Variants in TLR4 observed in about 807,000 individuals in gnomAD.
TLR4 encodes the protein toll like receptor 4.
In TLR4, 17 loss-of-function variants were observed where a neutral mutation model predicts 27.4. The observed-to-expected ratio is 0.62, with a 90% CI of 0.42 to 0.93. TLR4 has a LOEUF of 0.93. Among genes scored for constraint, TLR4 ranks in the 40% least tolerant of loss-of-function variants. The pLI is 0.00. For missense variants in TLR4, 926 were observed against 962.3 expected (o/e 0.96, Z 0.50); for synonymous variants, 363 against 365.7 (o/e 0.99, Z 0.08).
In TLR4 at chr9:117,713,018, T is replaced by G; in HGVS notation, c.890T>G (p.Leu297Arg). ...EFRLAYLDYY[L>R]DDIIDLFNCL... The stretch of plus-strand genomic sequence containing the variant: ...CGATTAGCATACTTAGACTACTACC[T>G]CGATGATATTATTGACTTATTTAAT... Residue 297 changes from leucine (L) to arginine (R), a missense_variant, in exon 3 of 3, where the codon CTC (leucine) becomes CGC (arginine). Coordinates refer to ENST00000355622, the MANE Select transcript of TLR4 (RefSeq NM_138554.5). 6.2e-7 allele frequency: 1 copy of G among 1,614,074 alleles called. No individual in the cohort carries two copies. Among genetic ancestry groups the G allele is most frequent in the African/African-American group, 1.3e-5 (1 of 75,050 alleles).
At position 117,718,693 on chromosome 9, in the gene TLR4, G is replaced by T. The variant is rs1052459896; in HGVS notation, c.*4045G>T. The T allele has an allele frequency of 1.3e-5, 2 of 152,098 alleles. No homozygotes were observed. The highest frequency in any genetic ancestry group is 4.8e-5 in the African/African-American group (2 of 41,420). 9.4% of individuals were successfully genotyped at this position (152,098 alleles called of 1,614,324 possible). A position where few individuals can be genotyped will look rare whatever the true frequency, so the allele number is the denominator to read the frequency against. ...AAGAATAGAACTATGACTTTGTAAG[G>T]TTGCTCTAAGGATTGAAAATCATGT... On this transcript the variant is annotated 3_prime_UTR_variant, in exon 3 of 3. Coordinates refer to ENST00000355622, the MANE Select transcript of TLR4 (RefSeq NM_138554.5).
At position 117,713,561 on chromosome 9, in the gene TLR4, T is replaced by C; in HGVS notation, c.1433T>C (p.Met478Thr). The change falls in exon 3 of 3, where the codon ATG becomes ACG. Residue 478 changes from methionine (M) to threonine (T), a missense_variant. Coordinates refer to ENST00000355622, the MANE Select transcript of TLR4 (RefSeq NM_138554.5). ...NGLSSLEVLKMAGNSFQENFL... is the reference protein window; with the variant it reads ...NGLSSLEVLKTAGNSFQENFL... ...TTGTCCAGTCTCGAAGTCTTGAAAA[T>C]GGCTGGCAATTCTTTCCAGGAAAAC... The C allele has an allele frequency of 6.2e-7, 1 of 1,614,060 alleles. No individual in the cohort carries two copies. The highest frequency in any genetic ancestry group is 8.5e-7 in the Non-Finnish European group (1 of 1,179,996).
intron 1 of TLR4, chr9:117,708,313 A>G: frequency 3.9e-6 from 5 of 1,279,794 alleles, no homozygotes; most frequent in Non-Finnish European, 5.0e-6. Flanking sequence ...CCGTTTTATC[A>G]CGGAGGTTAG....
At position 117,713,071 on chromosome 9, in the gene TLR4, CTGG is replaced by C; in HGVS notation, c.946_948del (p.Val316del). 1.2e-6 allele frequency: 2 copies of C among 1,613,872 alleles called. No individual in the cohort carries two copies. The highest frequency in any genetic ancestry group is 1.7e-6 in the Non-Finnish European group (2 of 1,179,866). On this transcript the variant is annotated inframe_deletion, in exon 3 of 3. Coordinates refer to ENST00000355622, the MANE Select transcript of TLR4 (RefSeq NM_138554.5). ...TTTGACAAATGTTTCTTCATTTTCC[CTGG>C]TGAGTGTGACTATTGAAAGGGTAAA...
At chr9:117,708,515 G>T in intron 1 of TLR4, 48 bp from the exon 2 acceptor site, 1 of 1,612,320 alleles carries the variant, frequency 6.2e-7, no homozygotes. Flanking sequence ...GAGGGGAGTT[G>T]GGAGACCATG....
chr9:117,713,354 A>G lies in TLR4; in HGVS notation c.1226A>G (p.Asn409Ser), dbSNP rs934780727. The G allele has an allele frequency of 9.9e-6, 16 of 1,614,068 alleles. No homozygotes were observed. The highest frequency in any genetic ancestry group is 2.2e-5 in the South Asian group (2 of 91,084). Reference protein sequence around the residue: ...TSLKYLDLSFNGVITMSSNFL... With the variant: ...TSLKYLDLSFSGVITMSSNFL... Reference sequence around the variant, plus strand: ...CTAAAGTATTTAGATCTGAGCTTCAATGGTGTTATTACCATGAGTTCAAAC... The same window carrying G: ...CTAAAGTATTTAGATCTGAGCTTCAGTGGTGTTATTACCATGAGTTCAAAC... The change falls in exon 3 of 3, where the codon AAT becomes AGT. Residue 409 changes from asparagine (N) to serine (S), a missense_variant. Transcript: ENST00000355622.
At chr9:117,710,013 A>C (rs557911068) in intron 2 of TLR4, among the ~76,000 whole-genome samples, 12 of 152,036 alleles carry the variant, frequency 7.9e-5, no homozygotes, top group African/African-American at 2.9e-4. Flanking sequence ...TATATATTTA[A>C]ATTTTTATAA....
chr9:117,712,267 C>T, intron 2 of TLR4, 122 bp from the exon 3 acceptor site: 1 of 983,914 alleles, frequency 1.0e-6, no homozygotes, highest in Non-Finnish European at 1.6e-6. Context: ...ATGTCTTTGC[C>T]TATGCACAAT....
At chr9:117,711,426 T>C (rs1339715646) in intron 2 of TLR4, among the ~76,000 whole-genome samples, 1 of 152,214 alleles carries the variant, frequency 6.6e-6, no homozygotes, top group Non-Finnish European at 1.5e-5. Flanking sequence ...CTCTAGGACA[T>C]GTCTCTGAAC....
At chr9:117,712,071 T>G (rs1027839837) in intron 2 of TLR4, among the ~76,000 whole-genome samples, 1 of 152,226 alleles carries the variant, frequency 6.6e-6, no homozygotes, top group Non-Finnish European at 1.5e-5. Context: ...ACATGCTTTA[T>G]CAACTGCACA....
Position 117,714,106 on chromosome 9 carries a change from C to T in TLR4, c.1978C>T (p.Leu660Phe). Residue 660 changes from leucine (L) to phenylalanine (F), a missense_variant, in exon 3 of 3, where the codon CTT (leucine) becomes TTT (phenylalanine). By Grantham distance (22) the Leu-to-Phe change is conservative. Transcript: ENST00000355622. ...LVYKFYFHLM[L>F]LAGCIKYGRG... ...CTATAAGTTCTATTTTCACCTGATG[C>T]TTCTTGCTGGCTGCATAAAGTATGG... 1 of 1,614,072 alleles carries T rather than the reference C, an allele frequency of 6.2e-7. No individual in the cohort carries two copies. Among genetic ancestry groups the T allele is most frequent in the East Asian group, 2.2e-5 (1 of 44,874 alleles).
intron 1 of TLR4, among the ~76,000 whole-genome samples, chr9:117,705,511 G>A (rs531577974): frequency 1.3e-5 from 2 of 152,152 alleles, no homozygotes; most frequent in Non-Finnish European, 2.9e-5. Flanking sequence ...TTAGGTTAAT[G>A]GAGATAGATT....
In TLR4 at chr9:117,715,729, A is replaced by T. The variant is rs1829334941; in HGVS notation, c.*1081A>T. ...TCTGAATCTCTTTAGGGAGACACAGATGGCTGGGATCCCTCCCCTGTACCC... is the reference window on the plus strand; with the variant it reads ...TCTGAATCTCTTTAGGGAGACACAGTTGGCTGGGATCCCTCCCCTGTACCC... On this transcript the variant is annotated 3_prime_UTR_variant, in exon 3 of 3. Coordinates refer to ENST00000355622, the MANE Select transcript of TLR4 (RefSeq NM_138554.5). 6.6e-6 allele frequency: 1 copy of T among 152,214 alleles called. No homozygotes were observed. The highest frequency in any genetic ancestry group is 1.5e-5 in the Non-Finnish European group (1 of 68,040). 9.4% of individuals were successfully genotyped at this position (152,214 alleles called of 1,614,324 possible).
chr9:117,715,967 A>T lies in TLR4; in HGVS notation c.*1319A>T, dbSNP rs1325804091. ...TCCTCAGAAACAGAACATTCAAGAAAAGGACAATCAGGATGTCATCAGGGA... is the reference window on the plus strand; with the variant it reads ...TCCTCAGAAACAGAACATTCAAGAATAGGACAATCAGGATGTCATCAGGGA... On this transcript the variant is annotated 3_prime_UTR_variant, in exon 3 of 3. Coordinates refer to ENST00000355622, the MANE Select transcript of TLR4 (RefSeq NM_138554.5). 1 of 152,170 alleles carries T rather than the reference A, an allele frequency of 6.6e-6. No individual in the cohort carries two copies. Among genetic ancestry groups the T allele is most frequent in the Non-Finnish European group, 1.5e-5 (1 of 68,034 alleles). The allele number at this position is 152,170 out of a possible 1,614,324, so 9.4% of individuals were successfully genotyped here.
Position 117,713,729 on chromosome 9 carries a change from C to T in TLR4, c.1601C>T (p.Ser534Leu). 1 of 1,614,018 alleles carries T rather than the reference C, an allele frequency of 6.2e-7. No homozygotes were observed. Among genetic ancestry groups the T allele is most frequent in the Non-Finnish European group, 8.5e-7 (1 of 1,180,010 alleles). Residue 534 changes from serine to leucine, a missense_variant, in exon 3 of 3, where the codon TCA (serine) becomes TTA (leucine). Transcript: ENST00000355622. Reference sequence around the variant, plus strand: ...AATATGAGCCACAACAACTTCTTTTCATTGGATACGTTTCCTTATAAGTGT... The same window carrying T: ...AATATGAGCCACAACAACTTCTTTTTATTGGATACGTTTCCTTATAAGTGT... ...VLNMSHNNFFSLDTFPYKCLN... is the reference protein window; with the variant it reads ...VLNMSHNNFFLLDTFPYKCLN...
rs1829435430 is a variant in TLR4, at chr9:117,722,673, T to C, written c.*8025T>C. 1 of 152,236 alleles carries C rather than the reference T, an allele frequency of 6.6e-6. No homozygotes were observed. The highest frequency in any genetic ancestry group is 1.5e-5 in the Non-Finnish European group (1 of 68,054). 9.4% of individuals were successfully genotyped at this position (152,236 alleles called of 1,614,324 possible). A position where few individuals can be genotyped will look rare whatever the true frequency, so the allele number is the denominator to read the frequency against. The stretch of plus-strand genomic sequence containing the variant: ...CTGAGATCAGATAAGTGAACAGCGA[T>C]AGAGGTAGTGAGGTTTAGGATTCAG... On this transcript the variant is annotated 3_prime_UTR_variant, in exon 3 of 3. Coordinates refer to ENST00000355622, the MANE Select transcript of TLR4 (RefSeq NM_138554.5).
Position 117,713,134 on chromosome 9 carries a change from G to A in TLR4, c.1006G>A (p.Glu336Lys), listed in dbSNP as rs749060283. Residue 336 changes from glutamate to lysine, a missense_variant, in exon 3 of 3, where the codon GAA (glutamate) becomes AAA (lysine). By Grantham distance (56) the Glu-to-Lys change is moderately conservative. Coordinates refer to ENST00000355622, the MANE Select transcript of TLR4 (RefSeq NM_138554.5). ...FSYNFGWQHL[E>K]LVNCKFGQFP... ...TTATAATTTCGGATGGCAACATTTA[G>A]AATTAGTTAACTGTAAATTTGGACA... The A allele has an allele frequency of 4.3e-6, 7 of 1,612,946 alleles. No individual in the cohort carries two copies. The East Asian group carries it at 1.6e-4, about 36-fold the overall frequency.
In TLR4 at chr9:117,708,544, T is replaced by A; in HGVS notation, c.94-19T>A. ...GACCATGCAGTAAAGATACTTCATG[T>A]CATGTGTAATCATTGCAGGTGGTTC... On this transcript the variant is annotated intron_variant, in intron 1 of 2. Transcript: ENST00000355622. The A allele has an allele frequency of 6.2e-7, 1 of 1,613,560 alleles. No individual in the cohort carries two copies. The highest frequency in any genetic ancestry group is 2.2e-5 in the East Asian group (1 of 44,842).
rs1318297287 is a variant in TLR4 at position 117,717,412 on chromosome 9, CAATAAA to C, written c.*2766_*2771del. On this transcript the variant is annotated 3_prime_UTR_variant, in exon 3 of 3. Coordinates refer to ENST00000355622, the MANE Select transcript of TLR4 (RefSeq NM_138554.5). ...ACAGTAAGAGATTAACAATAACTAA[CAATAAA>C]ATTGAATAGTTATAATAATATATTG... The C allele has an allele frequency of 6.6e-6, 1 of 152,048 alleles. No homozygotes were observed. Among genetic ancestry groups the C allele is most frequent in the African/African-American group, 2.4e-5 (1 of 41,414 alleles). 9.4% of individuals were successfully genotyped at this position (152,048 alleles called of 1,614,324 possible).
Sources: gnomAD v4.1 joint callset for allele counts (sites outside exome capture counted in the v4.1 genomes callset) on GRCh38, gnomAD v4.1.1 for gene constraint, MANE v1.5 for transcripts, NCBI Gene and HGNC (gene_info 2026-07-23, HGNC 2026-07-21) for gene names.